The following PPP1R8 variants were observed in gnomAD, a reference collection of about 807,000 sequenced individuals.
PPP1R8 encodes nuclear inhibitor of protein phosphatase 1.
In PPP1R8, 4 loss-of-function variants were observed where a neutral mutation model predicts 31.3. That is an observed-to-expected ratio of 0.13 (90% confidence interval 0.06 to 0.29). PPP1R8 has a LOEUF of 0.29. Among genes scored for constraint, PPP1R8 ranks in the 10% least tolerant of loss-of-function variants. The probability of loss-of-function intolerance (pLI) is 1.00; values close to 1 mark genes in which losing one functional copy is unlikely to be tolerated. For synonymous variants in PPP1R8, 170 were observed against 169.7 expected, an observed-to-expected ratio of 1.00 and a Z score of -0.01; for missense variants, 254 against 440.1, an observed-to-expected ratio of 0.58 and a Z score of 3.78.
rs1281821681 is a variant in PPP1R8, at chr1:27,830,902, G to A, written c.56+11G>A. The A allele has an allele frequency of 1.3e-6, 2 of 1,561,650 alleles. No individual in the cohort carries two copies. Among genetic ancestry groups the A allele is most frequent in the East Asian group, 2.4e-5 (1 of 41,650 alleles). On this transcript the variant is annotated intron_variant, in intron 1 of 6. Transcript: ENST00000311772. ...CGACTGCCCAACCTGGTGAGTGGCG[G>A]GGCGGCCAGGGCTAGAGTGGCCCGG...
chr1:27,834,359 G>T (rs1417817682), intron 2 of PPP1R8: 1 of 509,100 alleles, frequency 2.0e-6, no homozygotes, highest in Non-Finnish European at 3.9e-6. Flanking sequence ...TTCTTGAGAG[G>T]CGTAGACCTG....
intron 2 of PPP1R8, among the ~76,000 whole-genome samples, chr1:27,833,688 C>T (rs17362501): frequency 0.22 from 34,190 of 152,088 alleles, 5,204 homozygotes; most frequent in Non-Finnish European, 0.32. Context: ...AATTTAGGTT[C>T]AAGGCCCCAT....
At chr1:27,840,431 C>T (rs986439925) in intron 3 of PPP1R8, among the ~76,000 whole-genome samples, 1 of 152,214 alleles carries the variant, frequency 6.6e-6, no homozygotes, top group Non-Finnish European at 1.5e-5. Context: ...TATTCAGAAT[C>T]TATAGTAGGA....
rs567804256 is a variant in PPP1R8 at position 27,842,342 on chromosome 1, C to CA, written c.493-826dup. On this transcript the variant is annotated intron_variant, in intron 4 of 6. Transcript: ENST00000311772. The stretch of plus-strand genomic sequence containing the variant: ...GGGCAACAAGAGCGAAACTCCGTCT[C>CA]AAAAAAAAAAAAAAAAAAGAGAAAT... Among the ~76,000 whole-genome samples the CA allele has an allele frequency of 1.0e-2, 627 of 62,986 alleles. 4 individuals are homozygous for CA. Among genetic ancestry groups the CA allele is most frequent in the South Asian group, 0.059 (122 of 2,066 alleles). 41.3% of individuals were successfully genotyped at this position (62,986 alleles called of 152,430 possible).
intron 2 of PPP1R8, among the ~76,000 whole-genome samples, chr1:27,836,264 C>A (rs1240104729): frequency 6.6e-6 from 1 of 152,162 alleles, no homozygotes; most frequent in Non-Finnish European, 1.5e-5. Context: ...ATTACTAGAC[C>A]ACTAGCACTG....
At chr1:27,845,345 G>T (rs1039816672) in intron 5 of PPP1R8, among the ~76,000 whole-genome samples, 3 of 150,342 alleles carry the variant, frequency 2.0e-5, no homozygotes, top group Non-Finnish European at 4.4e-5. Context: ...AGCCGAGATG[G>T]TGCCACTGCA....
chr1:27,844,999 C>G (rs2089261256), intron 5 of PPP1R8, among the ~76,000 whole-genome samples: 2 of 138,998 alleles, frequency 1.4e-5, no homozygotes, highest in Admixed American at 1.5e-4. Flanking sequence ...TCCTAAAGTG[C>G]TGGGATTACA....
At position 27,850,246 on chromosome 1, in the gene PPP1R8, C is replaced by G. The variant is rs777258379; in HGVS notation, c.856C>G (p.Leu286Val). The G allele has an allele frequency of 2.5e-6, 4 of 1,614,142 alleles. No individual in the cohort carries two copies. Among genetic ancestry groups the G allele is most frequent in the Non-Finnish European group, 3.4e-6 (4 of 1,180,056 alleles). Residue 286 changes from leucine (L) to valine (V), a missense_variant, in exon 7 of 7, where the codon CTC (leucine) becomes GTC (valine). Coordinates refer to ENST00000311772, the MANE Select transcript of PPP1R8 (RefSeq NM_014110.5). ...GCCACATGGCATCCATGGGACAGCA[C>G]TCATCGGTGGCTTGCCCATGCCATA... is the stretch of plus-strand genomic sequence containing the variant. The part of the protein sequence containing the change: ...SQPHGIHGTA[L>V]IGGLPMPYPN...
intron 2 of PPP1R8, among the ~76,000 whole-genome samples, chr1:27,836,660 C>T (rs1279856816): frequency 1.3e-5 from 2 of 152,082 alleles, no homozygotes; most frequent in Non-Finnish European, 2.9e-5. Flanking sequence ...CCTTGTGATC[C>T]GCCTGCCTCG....
At chr1:27,837,435 A>G (rs1190623869) in intron 2 of PPP1R8, among the ~76,000 whole-genome samples, 3 of 151,404 alleles carry the variant, frequency 2.0e-5, no homozygotes, top group Non-Finnish European at 4.4e-5. Flanking sequence ...CAAAAAAAAA[A>G]AAGAGTTGTT....
chr1:27,841,146 C>T lies in PPP1R8; in HGVS notation c.404C>T (p.Ser135Leu), dbSNP rs1170723806. Residue 135 changes from serine to leucine, a missense_variant, in exon 4 of 7, where the codon TCG (serine) becomes TTG (leucine). Ser to Leu is a moderately radical substitution (Grantham distance 145). Around this residue, in one of 6 missense-constraint regions of PPP1R8, gnomAD observed 27 missense variants for 26.7 expected, o/e 1.01. Coordinates refer to ENST00000311772, the MANE Select transcript of PPP1R8 (RefSeq NM_014110.5). ...TLREKPQTLPSAVKGDEKMGG... is the reference protein window; with the variant it reads ...TLREKPQTLPLAVKGDEKMGG... The stretch of plus-strand genomic sequence containing the variant: ...CGCGAGAAGCCTCAGACATTGCCAT[C>T]GGCTGTGAAAGGAGATGAGAAGATG... The T allele has an allele frequency of 1.1e-5, 18 of 1,614,052 alleles. No homozygotes were observed. Among genetic ancestry groups the T allele is most frequent in the Non-Finnish European group, 1.5e-5 (18 of 1,180,044 alleles).
chr1:27,838,920 G>T, intron 3 of PPP1R8, 68 bp downstream of exon 3: 1 of 1,366,304 alleles, frequency 7.3e-7, no homozygotes, highest in South Asian at 1.7e-5. Context: ...GGGTTCTTTA[G>T]TTTGGAAATT....
rs908872935 is a variant in PPP1R8 at position 27,830,825 on chromosome 1, G to A, written c.-11G>A. 5 of 1,574,068 alleles carry A rather than the reference G, an allele frequency of 3.2e-6. No homozygotes were observed. The African/African-American group carries it at 5.4e-5, about 17-fold the overall frequency. On this transcript the variant is annotated 5_prime_UTR_variant, in exon 1 of 7. Coordinates refer to ENST00000311772, the MANE Select transcript of PPP1R8 (RefSeq NM_014110.5). ...GCTTAGGGCGCGCCAAATGGGAGGG[G>A]GAGACGCAAGATGGCGGCAGCCGCG...
intron 6 of PPP1R8, 36 bp from the exon 7 acceptor site, chr1:27,850,057 C>G: frequency 6.6e-7 from 1 of 1,509,778 alleles, no homozygotes; most frequent in African/African-American, 1.4e-5. Flanking sequence ...TGTCTTCTCT[C>G]TCCAATCTCT....
Position 27,832,768 on chromosome 1 carries a change from C to T in PPP1R8, c.69C>T (p.Pro23=), listed in dbSNP as rs1158036078. The T allele has an allele frequency of 6.2e-7, 1 of 1,610,278 alleles. No homozygotes were observed. Among genetic ancestry groups the T allele is most frequent in the Middle Eastern group, 1.7e-4 (1 of 6,058 alleles). Residue 23 remains proline, a synonymous_variant, in exon 2 of 7, where the codon CCC becomes CCT. Coordinates refer to ENST00000311772, the MANE Select transcript of PPP1R8 (RefSeq NM_014110.5). ...TTTTATTTTTCAGGGCAGGTAAGCCCCCTCCCGGTTTACATCTGGATGTAG... is the reference window on the plus strand; with the variant it reads ...TTTTATTTTTCAGGGCAGGTAAGCCTCCTCCCGGTTTACATCTGGATGTAG... ...LFDCPTWAGK[P]PPGLHLDVVK...
At chr1:27,847,368 G>A (rs375987653) in intron 6 of PPP1R8, among the ~76,000 whole-genome samples, 27 of 152,144 alleles carry the variant, frequency 1.8e-4, no homozygotes, top group East Asian at 5.8e-4. Flanking sequence ...TTAGCCAGGC[G>A]TGGTGGTAGG....
Position 27,850,482 on chromosome 1 carries a change from G to GTTTGGGGGGGC in PPP1R8, c.*36_*37insTTTGGGGGGGC. 2 of 511,084 alleles carry GTTTGGGGGGGC rather than the reference G, an allele frequency of 3.9e-6. No individual in the cohort carries two copies. The highest frequency in any genetic ancestry group is 4.4e-5 in the East Asian group (1 of 22,558). The allele number at this position is 511,084 out of a possible 1,614,324, so 31.7% of individuals were successfully genotyped here. On this transcript the variant is annotated 3_prime_UTR_variant, in exon 7 of 7. Coordinates refer to ENST00000311772, the MANE Select transcript of PPP1R8 (RefSeq NM_014110.5). ...CATGGAGAAGGGTGGGATTGGGTGG[G>GTTTGGGGGGGC]AATGGGGTGGAAGGGTGATGGGGAG...
chr1:27,840,977 GT>G (rs2089217257), intron 3 of PPP1R8, 36 bp from the exon 4 acceptor site: 2 of 1,602,662 alleles, frequency 1.2e-6, no homozygotes, highest in African/African-American at 1.3e-5. Context: ...GGTTGTTTTT[GT>G]TTTCCCCCTT....
chr1:27,841,679 TCAGA>T (rs1289761111), intron 4 of PPP1R8, among the ~76,000 whole-genome samples: 2 of 152,240 alleles, frequency 1.3e-5, no homozygotes, highest in African/African-American at 4.8e-5. Flanking sequence ...GAAAGTTCTG[TCAGA>T]CAGCACTGGC....
Sources: allele counts gnomAD v4.1 joint callset (sites outside exome capture counted in the v4.1 genomes callset), GRCh38; gene constraint gnomAD v4.1.1; regional missense constraint gnomAD v4.1.1; transcripts MANE v1.5; gene names NCBI Gene and HGNC (gene_info 2026-07-23, HGNC 2026-07-21).